MCM8: variants seen among roughly 807,000 people sequenced by gnomAD.
The protein encoded by MCM8 is minichromosome maintenance 8 homologous recombination repair factor, also known as DNA helicase MCM8.
MCM8 carries 85 observed loss-of-function variants against 98.9 expected under a neutral mutation model. The observed-to-expected ratio is 0.86, with a 90% CI of 0.72 to 1.03. The LOEUF is 1.03. MCM8 is among the 50% of genes least tolerant of loss of function. The pLI is 0.00. For synonymous variants in MCM8, 352 were observed against 338.6 expected (o/e 1.04, Z -0.44); for missense variants, 951 against 997.8 (o/e 0.95, Z 0.63).
rs1440112459 is a variant in MCM8 at position 5,978,014 on chromosome 20, C to T, written c.1534C>T (p.Gln512Ter). 1 of 1,614,158 alleles carries T rather than the reference C, an allele frequency of 6.2e-7. No homozygotes were observed. The highest frequency in any genetic ancestry group is 1.1e-5 in the South Asian group (1 of 91,070). ...LEAGALVLGDQGICGIDEFDK... is the reference protein window; with the variant it reads ...LEAGALVLGD ...AGCTGGTGCCCTGGTACTTGGTGAT[C>T]AAGGTGAGAGGCCAAAGGGAATAAT... The change falls in exon 13 of 19, where the codon CAA (glutamine) becomes TAA (stop). Residue 512 changes from glutamine (Q) to a stop codon, truncating the protein, a stop_gained. Coordinates refer to ENST00000610722, the MANE Select transcript of MCM8 (RefSeq NM_032485.6). LOFTEE classifies it high-confidence loss of function.
intron 12 of MCM8, among the ~76,000 whole-genome samples, chr20:5,976,476 A>T (rs888926366): frequency 1.3e-5 from 2 of 152,148 alleles, no homozygotes; most frequent in African/African-American, 2.4e-5. Context: ...ACCATGGTCT[A>T]AATAGGGAGG....
At chr20:5,987,621 G>A (rs994437590) in intron 17 of MCM8, among the ~76,000 whole-genome samples, 2 of 151,942 alleles carry the variant, frequency 1.3e-5, no homozygotes, top group Admixed American at 6.6e-5. Flanking sequence ...CCACCTACTC[G>A]CCCTTCACCC....
At position 5,988,120 on chromosome 20, in the gene MCM8, A is replaced by T. The variant is rs190565951; in HGVS notation, c.2240+762A>T. Among the ~76,000 whole-genome samples, 1,373 of 152,160 alleles carry T rather than the reference A, an allele frequency of 9.0e-3. 16 individuals are homozygous for T. The highest frequency in any genetic ancestry group is 0.029 in the African/African-American group (1,195 of 41,500). On this transcript the variant is annotated intron_variant, in intron 17 of 18. Coordinates refer to ENST00000610722, the MANE Select transcript of MCM8 (RefSeq NM_032485.6). The stretch of plus-strand genomic sequence containing the variant: ...AGTTTTTTTTATTCCAGATAAAAAA[A>T]TTTTTTTAATAGGTCCATACTTTCA...
intron 14 of MCM8, among the ~76,000 whole-genome samples, chr20:5,983,529 G>A (rs544481522): frequency 9.4e-4 from 143 of 152,142 alleles, no homozygotes; most frequent in Admixed American, 3.5e-3. Context: ...GCAAAACCCC[G>A]TCTTTAGTAA....
Position 5,970,222 on chromosome 20 carries a change from T to A in MCM8, c.1224-1785T>A, listed in dbSNP as rs138002669. On this transcript the variant is annotated intron_variant, in intron 10 of 18. Transcript: ENST00000610722. ...ACTGAGACAGTATAGCCTGTGAAGC[T>A]GAAAATACTTTCTGGCCCTTTAAGA... Among the ~76,000 whole-genome samples, 11 of 152,376 alleles carry A rather than the reference T, an allele frequency of 7.2e-5. No individual in the cohort carries two copies. The East Asian group carries it at 2.1e-3, about 29-fold the overall frequency.
At chr20:5,981,542 C>T (rs1198145605) in intron 13 of MCM8, among the ~76,000 whole-genome samples, 1 of 151,976 alleles carries the variant, frequency 6.6e-6, no homozygotes, top group Admixed American at 6.6e-5. Flanking sequence ...CCAAAAAGTG[C>T]AAACTGTAGC....
At chr20:5,962,756 C>T (rs1332711363) in intron 7 of MCM8, among the ~76,000 whole-genome samples, 1 of 152,170 alleles carries the variant, frequency 6.6e-6, no homozygotes, top group East Asian at 1.9e-4. Context: ...CAAATACAGT[C>T]TGCCACAGTC....
chr20:5,956,202 A>G (rs2088977514), intron 5 of MCM8, among the ~76,000 whole-genome samples: 1 of 152,184 alleles, frequency 6.6e-6, no homozygotes, highest in South Asian at 2.1e-4. Context: ...TCCATTCAAC[A>G]TAGAATCCCC....
chr20:5,967,428 CTT>C lies in MCM8; in HGVS notation c.876-4_876-3del, dbSNP rs751682116. The C allele has an allele frequency of 1.2e-6, 2 of 1,611,148 alleles. No individual in the cohort carries two copies. The highest frequency in any genetic ancestry group is 2.2e-5 in the South Asian group (2 of 90,642). On this transcript the variant is annotated splice_region_variant and splice_polypyrimidine_tract_variant and intron_variant, in intron 8 of 18. Coordinates refer to ENST00000610722, the MANE Select transcript of MCM8 (RefSeq NM_032485.6). ...GTATTCTAACTGAAAACTATTTAAA[CTT>C]TTTAGAATCCAGGAATTGATGTCTG...
chr20:5,951,506 A>C (rs2088822205), intron 1 of MCM8, among the ~76,000 whole-genome samples: 1 of 152,190 alleles, frequency 6.6e-6, no homozygotes, highest in African/African-American at 2.4e-5. Context: ...TGTATTTTAT[A>C]AGAACAGTTT....
chr20:5,977,795 C>A, intron 12 of MCM8, 81 bp from the exon 13 acceptor site: 1 of 1,475,160 alleles, frequency 6.8e-7, no homozygotes, highest in Non-Finnish European at 9.3e-7. Context: ...CTAGCATATA[C>A]CTAACGTTTG....
At chr20:5,982,396 C>T (rs186398551) in intron 13 of MCM8, among the ~76,000 whole-genome samples, 3 of 152,212 alleles carry the variant, frequency 2.0e-5, no homozygotes, top group Admixed American at 1.3e-4. Context: ...ACAAGCATTA[C>T]GAGGTAATGT....
At chr20:5,979,912 C>A (rs1008309210) in intron 13 of MCM8, among the ~76,000 whole-genome samples, 30 of 152,292 alleles carry the variant, frequency 2.0e-4, no homozygotes, top group African/African-American at 7.2e-4. Context: ...TCTGGCCTTT[C>A]ACCTCTTTTG....
chr20:5,974,677 A>G (rs1466931080), intron 12 of MCM8, among the ~76,000 whole-genome samples: 1 of 152,242 alleles, frequency 6.6e-6, no homozygotes, highest in African/African-American at 2.4e-5. Context: ...CAGTCCACAG[A>G]TGATTCTAAT....
intron 13 of MCM8, among the ~76,000 whole-genome samples, chr20:5,981,833 T>A (rs1260132941): frequency 6.6e-6 from 1 of 152,046 alleles, no homozygotes; most frequent in East Asian, 1.9e-4. Flanking sequence ...ATGAAATAGC[T>A]CAAAACAAAA....
chr20:5,967,953 A>G lies in MCM8; in HGVS notation c.1151A>G (p.Glu384Gly), dbSNP rs1363040709. Residue 384 changes from glutamate (E) to glycine (G), a missense_variant, in exon 10 of 19, where the codon GAG (glutamate) becomes GGG (glycine). Transcript: ENST00000610722. ...GGGTGTAAGCATGGAATGTTGATGG[A>G]GTTCTCACTTAAAGACCTTTATGCC... ...EDGCKHGMLM[E>G]FSLKDLYAIQ... The G allele has an allele frequency of 6.2e-7, 1 of 1,614,024 alleles. No individual in the cohort carries two copies. The highest frequency in any genetic ancestry group is 1.3e-5 in the African/African-American group (1 of 74,946).
chr20:5,982,186 A>G (rs1394638451), intron 13 of MCM8, among the ~76,000 whole-genome samples: 1 of 152,160 alleles, frequency 6.6e-6, no homozygotes, highest in Non-Finnish European at 1.5e-5. Flanking sequence ...AGTTTACAAT[A>G]TTTGTCTTCC....
chr20:5,987,567 A>G (rs1337010165), intron 17 of MCM8, among the ~76,000 whole-genome samples: 2 of 152,222 alleles, frequency 1.3e-5, no homozygotes, highest in African/African-American at 2.4e-5. Context: ...ACATTTACAT[A>G]GTGCTAAAAT....
At chr20:5,966,821 C>T (rs1211160890) in intron 8 of MCM8, among the ~76,000 whole-genome samples, 2 of 152,106 alleles carry the variant, frequency 1.3e-5, no homozygotes, top group African/African-American at 2.4e-5. Flanking sequence ...AGTTTAGCTC[C>T]CTTCACAGAG....
Sources: gnomAD v4.1 joint callset for allele counts (sites outside exome capture counted in the v4.1 genomes callset) on GRCh38, gnomAD v4.1.1 for gene constraint, MANE v1.5 for transcripts, NCBI Gene and HGNC (gene_info 2026-07-23, HGNC 2026-07-21) for gene names.